Variants in MIIP observed in about 807,000 individuals in gnomAD.
MIIP encodes migration and invasion-inhibitory protein.
A neutral mutation model predicts 44.8 loss-of-function variants in MIIP; 44 were observed. That is an observed-to-expected ratio of 0.98 (90% CI 0.77 to 1.26). The LOEUF is 1.26. MIIP is among the 50% of genes most tolerant of loss of function. MIIP has a pLI of 0.00. For synonymous variants in MIIP, 225 were observed against 218.3 expected (o/e 1.03, Z -0.27); for missense variants, 496 against 511.7 (o/e 0.97, Z 0.30).
intron 4 of MIIP, among the ~76,000 whole-genome samples, chr1:12,027,808 G>A (rs1437590084): frequency 6.6e-6 from 1 of 152,132 alleles, no homozygotes; most frequent in Non-Finnish European, 1.5e-5. Flanking sequence ...TGCTCCTCCT[G>A]CAGTCTTTCC....
chr1:12,024,106 C>T (rs1273018440), intron 4 of MIIP: 4 of 152,188 alleles, frequency 2.6e-5, no homozygotes, highest in Admixed American at 6.5e-5. Flanking sequence ...TGCGATAACT[C>T]ACTACCTTCA....
intron 8 of MIIP, 129 bp downstream of exon 8, chr1:12,030,253 C>A: frequency 2.4e-6 from 2 of 832,890 alleles, no homozygotes; most frequent in Non-Finnish European, 1.9e-6. Context: ...TGGAGCACAG[C>A]CTGGGCCTCT....
chr1:12,031,966 C>T lies in MIIP; in HGVS notation c.*158C>T, dbSNP rs1490050456. ...CCCAAGCTTGTCTGCTGCCTGAGTT[C>T]CAGAGAGGGAGGACCCTGGGGTGGA... On this transcript the variant is annotated 3_prime_UTR_variant, in exon 10 of 10. Coordinates refer to ENST00000235332, the MANE Select transcript of MIIP (RefSeq NM_021933.4). 1.5e-6 allele frequency: 1 copy of T among 686,270 alleles called. No individual in the cohort carries two copies. Among genetic ancestry groups the T allele is most frequent in the Non-Finnish European group, 2.5e-6 (1 of 405,944 alleles). The allele number at this position is 686,270 out of a possible 1,614,324, so 42.5% of individuals were successfully genotyped here. A position where few individuals can be genotyped will look rare whatever the true frequency, so the allele number is the denominator to read the frequency against.
chr1:12,030,389 C>T (rs551266544), intron 8 of MIIP, among the ~76,000 whole-genome samples: 3 of 152,086 alleles, frequency 2.0e-5, no homozygotes, highest in South Asian at 4.2e-4. Context: ...CTTTTGTGTA[C>T]TGCAGGCACA....
At chr1:12,029,942 A>G (rs1158185377) in intron 7 of MIIP, 48 bp downstream of exon 7, 2 of 1,609,472 alleles carry the variant, frequency 1.2e-6, no homozygotes, top group Non-Finnish European at 8.5e-7. Context: ...AGCCTGAACC[A>G]CTGGTTTTAA....
chr1:12,029,464 C>CTAAG, intron 6 of MIIP, 183 bp downstream of exon 6: 2 of 751,350 alleles, frequency 2.7e-6, no homozygotes, highest in Non-Finnish European at 2.1e-6. Context: ...GTGGAGTGAG[C>CTAAG]TAAGGCCTGG....
chr1:12,021,899 C>G, intron 2 of MIIP, 59 bp downstream of exon 2: 1 of 1,426,606 alleles, frequency 7.0e-7, no homozygotes, highest in East Asian at 2.4e-5. Context: ...AGGCCAGCAT[C>G]CAGGCTTCTG....
rs1287498445 is a variant in MIIP, at chr1:12,031,917, TC to T, written c.*111del. On this transcript the variant is annotated 3_prime_UTR_variant, in exon 10 of 10. Coordinates refer to ENST00000235332, the MANE Select transcript of MIIP (RefSeq NM_021933.4). ...TGCCCGCCCAGCTCAGGCCCAGCTG[TC>T]CTAGGTTGGGCAGGTGGGTGGACCC... 8.6e-7 allele frequency: 1 copy of T among 1,161,204 alleles called. No homozygotes were observed. The highest frequency in any genetic ancestry group is 1.2e-6 in the Non-Finnish European group (1 of 812,276). The allele number at this position is 1,161,204 out of a possible 1,614,324, so 71.9% of individuals were successfully genotyped here.
chr1:12,022,737 T>C, intron 3 of MIIP, 96 bp from the exon 4 acceptor site: 1 of 975,472 alleles, frequency 1.0e-6, no homozygotes, highest in Non-Finnish European at 1.6e-6. Context: ...AGTCAGGGTG[T>C]AAGTTAAGAC....
At position 12,029,894 on chromosome 1, in the gene MIIP, G is replaced by T; in HGVS notation, c.845G>T (p.Arg282Met). ...ACCCTGGCGCAGCCAGCGCACGTCA[G>T]GTGAGTGACCAGAGTATTGGGACAC... ...PGTLAQPAHV[R>M]VSIPLSILEP... Residue 282 changes from arginine to methionine, a missense_variant and splice_region_variant, in exon 7 of 10, where the codon AGG becomes ATG. Transcript: ENST00000235332. The T allele has an allele frequency of 6.2e-7, 1 of 1,612,774 alleles. No homozygotes were observed. The highest frequency in any genetic ancestry group is 2.2e-5 in the East Asian group (1 of 44,832).
At chr1:12,031,070 T>C (rs1640230187) in intron 8 of MIIP, 196 bp from the exon 9 acceptor site, 1 of 642,996 alleles carries the variant, frequency 1.6e-6, no homozygotes, top group East Asian at 2.8e-5. Context: ...ATTTCAGCTC[T>C]CAGGGCCCCA....
intron 4 of MIIP, among the ~76,000 whole-genome samples, chr1:12,027,667 A>C (rs965721648): frequency 4.0e-5 from 6 of 151,758 alleles, no homozygotes; most frequent in African/African-American, 1.5e-4. Flanking sequence ...CACTTTCTCT[A>C]CTTCTCCATT....
At position 12,029,161 on chromosome 1, in the gene MIIP, G is replaced by T. The variant is rs1235071650; in HGVS notation, c.656+20G>T. ...TCCTGAGTGAGCAGGGGCGGGCGAGGGTGGGCGAGGGCGGCTGAGCGGCTC... is the reference window on the plus strand; with the variant it reads ...TCCTGAGTGAGCAGGGGCGGGCGAGTGTGGGCGAGGGCGGCTGAGCGGCTC... On this transcript the variant is annotated intron_variant, in intron 5 of 9. Coordinates refer to ENST00000235332, the MANE Select transcript of MIIP (RefSeq NM_021933.4). 6.2e-7 allele frequency: 1 copy of T among 1,613,534 alleles called. No homozygotes were observed. The highest frequency in any genetic ancestry group is 8.5e-7 in the Non-Finnish European group (1 of 1,179,724).
chr1:12,029,086 A>C lies in MIIP; in HGVS notation c.601A>C (p.Lys201Gln), dbSNP rs1355373379. Residue 201 changes from lysine to glutamine, a missense_variant, in exon 5 of 10, where the codon AAG becomes CAG. By Grantham distance (53) the Lys-to-Gln change is moderately conservative. Coordinates refer to ENST00000235332, the MANE Select transcript of MIIP (RefSeq NM_021933.4). ...ITSQPEAFFS[K>Q]LQEFRETNKE... is the part of the protein sequence containing the mutation. The stretch of plus-strand genomic sequence containing the variant: ...CAGCCAGCCTGAGGCCTTCTTCTCC[A>C]AGCTGCAGGAGTTTCGGGAAACCAA... 6.2e-7 allele frequency: 1 copy of C among 1,614,170 alleles called. No individual in the cohort carries two copies. Among genetic ancestry groups the C allele is most frequent in the Non-Finnish European group, 8.5e-7 (1 of 1,180,016 alleles).
At chr1:12,030,774 C>A (rs1325343669) in intron 8 of MIIP, among the ~76,000 whole-genome samples, 15 of 135,662 alleles carry the variant, frequency 1.1e-4, no homozygotes, top group Admixed American at 1.5e-4. Flanking sequence ...GACTCCATCT[C>A]AAAAAAAAAA....
At position 12,031,152 on chromosome 1, in the gene MIIP, C is replaced by CT. The variant is rs1207137689; in HGVS notation, c.943-112dup. 5.3e-6 allele frequency: 7 copies of CT among 1,324,838 alleles called. No individual in the cohort carries two copies. In the East Asian group the frequency reaches 1.8e-4, roughly 33 times the overall value. 82.1% of individuals were successfully genotyped at this position (1,324,838 alleles called of 1,614,324 possible). A position where few individuals can be genotyped will look rare whatever the true frequency, so the allele number is the denominator to read the frequency against. ...TCTTGTGGGTAGACACAGGCCCTGC[C>CT]TTGGTGGGGGCCTCCTTCCTAATGG... On this transcript the variant is annotated intron_variant, in intron 8 of 9. Transcript: ENST00000235332.
In MIIP at chr1:12,030,556, C is replaced by CTGCT. The variant is rs554712631; in HGVS notation, c.942+433_942+434insGCTT. Among the ~76,000 whole-genome samples, 5 of 59,078 alleles carry CTGCT rather than the reference C, an allele frequency of 8.5e-5. No homozygotes were observed. In the East Asian group the frequency reaches 1.6e-3, roughly 19 times the overall value. The allele number at this position is 59,078 out of a possible 152,430, so 38.8% of individuals were successfully genotyped here. On this transcript the variant is annotated intron_variant, in intron 8 of 9. Transcript: ENST00000235332. The stretch of plus-strand genomic sequence containing the variant: ...CTAGGTCTCTGTGCTGCTGCTGCTG[C>CTGCT]TTTTTTTTTTTTTTTTTTTTTTTGA...
chr1:12,031,877 G>T lies in MIIP; in HGVS notation c.*69G>T, dbSNP rs1640252989. ...CTCTCCCCTCTGGCAGGCGCACCCA[G>T]GAGATGGAATCCCCTGCCCGCCCAG... On this transcript the variant is annotated 3_prime_UTR_variant, in exon 10 of 10. Transcript: ENST00000235332. 11 of 1,487,140 alleles carry T rather than the reference G, an allele frequency of 7.4e-6. No homozygotes were observed. The Admixed American group carries it at 1.9e-4, about 26-fold the overall frequency. 92.1% of individuals were successfully genotyped at this position (1,487,140 alleles called of 1,614,324 possible).
intron 4 of MIIP, chr1:12,028,807 T>A: frequency 1.8e-6 from 1 of 565,966 alleles, no homozygotes; most frequent in Admixed American, 3.0e-5. Context: ...GCTCTGTCGA[T>A]ATTTTTTCCA....
Sources: gnomAD v4.1 joint callset for allele counts (sites outside exome capture counted in the v4.1 genomes callset) on GRCh38, gnomAD v4.1.1 for gene constraint, MANE v1.5 for transcripts, NCBI Gene and HGNC (gene_info 2026-07-23, HGNC 2026-07-21) for gene names.